The following CDKAL1 variants were observed in gnomAD, a reference collection of about 807,000 sequenced individuals.
CDKAL1 encodes the protein threonylcarbamoyladenosine tRNA methylthiotransferase.
In CDKAL1, 32 loss-of-function variants were observed where a neutral mutation model predicts 68.2. The ratio of observed to expected loss-of-function variants is 0.47; its 90% CI spans 0.35 to 0.63. The LOEUF (loss-of-function observed/expected upper bound fraction) is 0.63, where lower values mean the gene tolerates loss of function less well. CDKAL1 is among the 30% of genes least tolerant of loss of function. The pLI is 0.00. For missense variants in CDKAL1, 606 were observed against 696.7 expected (o/e 0.87, Z 1.47); for synonymous variants, 234 against 244.3 (o/e 0.96, Z 0.39).
chr6:20,600,902 A>G (rs989378615), intron 4 of CDKAL1, among the ~76,000 whole-genome samples: 8 of 151,866 alleles, frequency 5.3e-5, no homozygotes, highest in Middle Eastern at 3.2e-3. Context: ...AATTCACTCT[A>G]TGTACAATAT....
intron 12 of CDKAL1, among the ~76,000 whole-genome samples, chr6:21,082,869 C>CT (rs1321615039): frequency 2.3e-4 from 29 of 127,252 alleles, no homozygotes; most frequent in Non-Finnish European, 2.8e-4. Context: ...ATTTATGTTT[C>CT]TTTTGTTTTT....
At chr6:21,065,273 T>C (rs779099107) in intron 12 of CDKAL1, 45 bp downstream of exon 12, 2 of 1,448,588 alleles carry the variant, frequency 1.4e-6, no homozygotes, top group Non-Finnish European at 1.9e-6. Flanking sequence ...CCAGTAGCTA[T>C]AGAAATGCAG....
chr6:20,987,936 T>G (rs573114961), intron 10 of CDKAL1, among the ~76,000 whole-genome samples: 1 of 132,022 alleles, frequency 7.6e-6, no homozygotes, highest in South Asian at 2.7e-4. Flanking sequence ...CACACTACCA[T>G]CCCCAGCTTT....
intron 5 of CDKAL1, among the ~76,000 whole-genome samples, chr6:20,732,380 A>T (rs1412722226): frequency 7.0e-6 from 1 of 142,480 alleles, no homozygotes; most frequent in African/African-American, 2.6e-5. Context: ...GGTTCAAGCG[A>T]TTCTCCTGCC....
chr6:20,723,593 G>T (rs115930786), intron 5 of CDKAL1: 4 of 199,986 alleles, frequency 2.0e-5, no homozygotes, highest in Admixed American at 1.3e-4. Context: ...GTGTCATTTT[G>T]TAGGGTTGGT....
At chr6:20,888,704 C>G (rs1278984289) in intron 9 of CDKAL1, among the ~76,000 whole-genome samples, 2 of 151,906 alleles carry the variant, frequency 1.3e-5, no homozygotes, top group Non-Finnish European at 2.9e-5. Context: ...ATGAACTCAT[C>G]ATTTTTTATG....
intron 9 of CDKAL1, among the ~76,000 whole-genome samples, chr6:20,884,444 G>A (rs534071866): frequency 2.6e-5 from 4 of 152,128 alleles, no homozygotes; most frequent in Non-Finnish European, 5.9e-5. Context: ...CTAAGATCAG[G>A]AGCAAGACAA....
chr6:21,041,458 G>A (rs966540616), intron 11 of CDKAL1, among the ~76,000 whole-genome samples: 2 of 151,888 alleles, frequency 1.3e-5, no homozygotes, highest in African/African-American at 2.4e-5. Context: ...AAAAGTAATC[G>A]AAACAGAAGA....
At chr6:20,554,715 G>C (rs1763969435) in intron 4 of CDKAL1, among the ~76,000 whole-genome samples, 1 of 152,158 alleles carries the variant, frequency 6.6e-6, no homozygotes, top group African/African-American at 2.4e-5. Context: ...CCTGATAGTG[G>C]AATAAAGGTT....
chr6:20,599,581 C>T (rs966549957), intron 4 of CDKAL1, among the ~76,000 whole-genome samples: 1 of 152,132 alleles, frequency 6.6e-6, no homozygotes, highest in Non-Finnish European at 1.5e-5. Flanking sequence ...TGACTTGGCT[C>T]ATTTAGCTTT....
intron 11 of CDKAL1, among the ~76,000 whole-genome samples, chr6:21,016,228 G>A (rs530298518): frequency 1.4e-4 from 21 of 151,946 alleles, no homozygotes; most frequent in Middle Eastern, 3.4e-3. Flanking sequence ...CCCCCTTGAT[G>A]TCTACCTTTT....
At chr6:20,865,907 A>G (rs1308991556) in intron 9 of CDKAL1, among the ~76,000 whole-genome samples, 1 of 152,184 alleles carries the variant, frequency 6.6e-6, no homozygotes, top group African/African-American at 2.4e-5. Flanking sequence ...TGTGAAGTTT[A>G]ATTTGAAAAC....
intron 9 of CDKAL1, among the ~76,000 whole-genome samples, chr6:20,854,107 A>C (rs956449397): frequency 6.6e-6 from 1 of 152,234 alleles, no homozygotes; most frequent in Non-Finnish European, 1.5e-5. Flanking sequence ...CTGTCTTTAA[A>C]GATCCCCTCC....
At chr6:20,750,033 G>T (rs1773847278) in intron 6 of CDKAL1, among the ~76,000 whole-genome samples, 3 of 152,006 alleles carry the variant, frequency 2.0e-5, no homozygotes, top group Admixed American at 2.0e-4. Context: ...CATAGTGTCT[G>T]TCATTGTAGC....
At chr6:20,826,608 G>A (rs184339510) in intron 8 of CDKAL1, among the ~76,000 whole-genome samples, 150 of 152,206 alleles carry the variant, frequency 9.9e-4, no homozygotes, top group Non-Finnish European at 1.7e-3. Flanking sequence ...ACGTCTGGTG[G>A]TTTGTGTTTT....
intron 8 of CDKAL1, among the ~76,000 whole-genome samples, chr6:20,838,352 TC>T (rs1274632033): frequency 6.6e-6 from 1 of 152,146 alleles, no homozygotes; most frequent in African/African-American, 2.4e-5. Context: ...TGTCTGGGTC[TC>T]AGCTTGAATG....
chr6:21,182,218 A>G (rs1777819872), intron 13 of CDKAL1, among the ~76,000 whole-genome samples: 1 of 152,254 alleles, frequency 6.6e-6, no homozygotes. Flanking sequence ...CCTTCAGAAT[A>G]AATTATAGAA....
intron 8 of CDKAL1, among the ~76,000 whole-genome samples, chr6:20,837,692 C>T (rs549115677): frequency 6.6e-6 from 1 of 151,846 alleles, no homozygotes; most frequent in East Asian, 1.9e-4. Flanking sequence ...AACTATTAAT[C>T]TGCAGAAATA....
chr6:20,902,404 A>G (rs2150602027), intron 9 of CDKAL1, among the ~76,000 whole-genome samples: 1 of 151,692 alleles, frequency 6.6e-6, no homozygotes, highest in East Asian at 1.9e-4. Context: ...GCTATGAGGT[A>G]TGAGTAAGAG....
Sources: allele counts gnomAD v4.1 joint callset (sites outside exome capture counted in the v4.1 genomes callset), GRCh38; gene constraint gnomAD v4.1.1; transcripts MANE v1.5; gene names NCBI Gene and HGNC (gene_info 2026-07-23, HGNC 2026-07-21).